Variants in PDE10A observed in about 807,000 individuals in gnomAD.
PDE10A encodes the protein phosphodiesterase 10A, also known as cAMP and cAMP-inhibited cGMP 3',5'-cyclic phosphodiesterase 10A.
PDE10A carries 39 observed loss-of-function variants against 97.7 expected under a neutral mutation model. The observed-to-expected ratio is 0.40, with a 90% CI of 0.31 to 0.52. The LOEUF is 0.52. PDE10A is among the 20% of genes least tolerant of loss of function. PDE10A has a pLI of 0.56. For synonymous variants in PDE10A, 371 were observed against 376.8 expected (o/e 0.98, Z 0.18); for missense variants, 731 against 1,047.8 (o/e 0.70, Z 4.17).
chr6:165,841,394 C>T (rs1780254863), intron 1 of PDE10A, among the ~76,000 whole-genome samples: 1 of 152,212 alleles, frequency 6.6e-6, no homozygotes, highest in Non-Finnish European at 1.5e-5. Flanking sequence ...GGGTTTTTCT[C>T]GCTTGCTGGC....
chr6:165,786,186 G>A (rs1778488142), intron 1 of PDE10A, among the ~76,000 whole-genome samples: 1 of 152,152 alleles, frequency 6.6e-6, no homozygotes, highest in Non-Finnish European at 1.5e-5. Context: ...CACATCTGAT[G>A]GGACTGACAA....
intron 1 of PDE10A, among the ~76,000 whole-genome samples, chr6:165,808,987 C>G (rs1374267495): frequency 3.3e-5 from 5 of 152,222 alleles, no homozygotes; most frequent in Non-Finnish European, 7.3e-5. Context: ...TTTTGCTCCT[C>G]TTGGGCACCA....
At chr6:165,862,752 C>T (rs1168093744) in intron 1 of PDE10A, among the ~76,000 whole-genome samples, 6 of 150,592 alleles carry the variant, frequency 4.0e-5, no homozygotes, top group Non-Finnish European at 7.4e-5. Flanking sequence ...CATCTCAGCT[C>T]GCTGCAACCT....
chr6:165,536,737 C>G (rs1041889460), intron 2 of PDE10A, among the ~76,000 whole-genome samples: 1 of 151,854 alleles, frequency 6.6e-6, no homozygotes, highest in Admixed American at 6.6e-5. Context: ...AAATGCAAAT[C>G]AAAACCACAG....
At chr6:165,512,849 T>C (rs1418527844) in intron 2 of PDE10A, among the ~76,000 whole-genome samples, 2 of 152,038 alleles carry the variant, frequency 1.3e-5, no homozygotes, top group African/African-American at 2.4e-5. Flanking sequence ...ACATCAGTTA[T>C]TGTCTGTTTT....
In PDE10A at chr6:165,655,735, C is replaced by A. The variant is rs1246680358; in HGVS notation, c.865+6212G>T. 1.3e-5 allele frequency among the ~76,000 whole-genome samples: 2 copies of A among 152,134 alleles called. No individual in the cohort carries two copies. Among genetic ancestry groups the A allele is most frequent in the Non-Finnish European group, 2.9e-5 (2 of 68,034 alleles). On this transcript the variant is annotated intron_variant, in intron 1 of 21. Coordinates refer to ENST00000539869, the MANE Select transcript of PDE10A (RefSeq NM_001385079.1). This position sits in a 1 kb window ranked among gnomAD's most constrained non-coding sequence, Gnocchi z 4.5. ...ACCATGGATCACCCACTGCTCAAAA[C>A]CTCCCCAAAGCCTCTGCTTTCATGC...
chr6:165,838,841 G>T (rs1407638193), intron 1 of PDE10A, among the ~76,000 whole-genome samples: 18 of 152,230 alleles, frequency 1.2e-4, no homozygotes, highest in Admixed American at 1.2e-3. Context: ...AGTCTAGACT[G>T]GCAACTGGCA....
chr6:165,848,844 C>T (rs1052898669), intron 1 of PDE10A, among the ~76,000 whole-genome samples: 2 of 152,102 alleles, frequency 1.3e-5, no homozygotes, highest in African/African-American at 4.8e-5. Context: ...GGGGGCCCCA[C>T]GGGATCTGAT....
intron 1 of PDE10A, among the ~76,000 whole-genome samples, chr6:165,881,565 A>ATT (rs3049923): frequency 0.3 from 39,939 of 134,176 alleles, 6,291 homozygotes; most frequent in South Asian, 0.42. Flanking sequence ...TGCCCAGCTA[A>ATT]TTTTTTTTTT....
intron 1 of PDE10A, among the ~76,000 whole-genome samples, chr6:165,770,601 C>A (rs934419622): frequency 6.6e-6 from 1 of 152,298 alleles, no homozygotes; most frequent in African/African-American, 2.4e-5. Context: ...TACTTGCCTT[C>A]CTTCGCATCA....
chr6:165,830,342 A>C (rs1779875464), intron 1 of PDE10A, among the ~76,000 whole-genome samples: 1 of 152,226 alleles, frequency 6.6e-6, no homozygotes, highest in Admixed American at 6.5e-5. Flanking sequence ...ACACTGGAGA[A>C]ACAAGCCAAA....
intron 1 of PDE10A, among the ~76,000 whole-genome samples, chr6:165,907,407 G>A (rs773210848): frequency 5.3e-5 from 8 of 152,228 alleles, no homozygotes; most frequent in Admixed American, 2.6e-4. Flanking sequence ...TGCCCTTCCC[G>A]GGAGCCTCGC....
At chr6:165,521,720 T>G (rs527594094) in intron 2 of PDE10A, among the ~76,000 whole-genome samples, 1 of 152,298 alleles carries the variant, frequency 6.6e-6, no homozygotes, top group South Asian at 2.1e-4. Context: ...AAGAAAAGTC[T>G]GAAGCTAGTA....
chr6:165,851,306 G>A lies in PDE10A; in HGVS notation c.-615+136223C>T, dbSNP rs1050013452. Among the ~76,000 whole-genome samples the A allele has an allele frequency of 3.9e-5, 6 of 152,262 alleles. No homozygotes were observed. In the East Asian group the frequency reaches 5.8e-4, roughly 15 times the overall value. On this transcript the variant is annotated intron_variant, in intron 1 of 19. Coordinates refer to the PDE10A transcript ENST00000366882. ...ATATGTATTGATTTGGAATTGACTC[G>A]ATTCCATCAGTTACCAGCTGTTATT...
chr6:165,565,655 A>G (rs930721742), intron 1 of PDE10A, among the ~76,000 whole-genome samples: 1 of 152,176 alleles, frequency 6.6e-6, no homozygotes, highest in African/African-American at 2.4e-5. Flanking sequence ...AAGTTCGAGG[A>G]CTGACAATAC....
At chr6:165,941,983 C>T (rs1583317109) in intron 1 of PDE10A, among the ~76,000 whole-genome samples, 1 of 152,136 alleles carries the variant, frequency 6.6e-6, no homozygotes, top group African/African-American at 2.4e-5. Flanking sequence ...TAGGGATGCA[C>T]CTGGCTTCAG....
chr6:165,512,703 T>C (rs1299535328), intron 2 of PDE10A, among the ~76,000 whole-genome samples: 1 of 152,058 alleles, frequency 6.6e-6, no homozygotes, highest in African/African-American at 2.4e-5. Context: ...TAGCAGATTC[T>C]CAAGAGGAAA....
At chr6:165,470,991 A>C (rs1033350058) in intron 3 of PDE10A, among the ~76,000 whole-genome samples, 1 of 152,220 alleles carries the variant, frequency 6.6e-6, no homozygotes, top group South Asian at 2.1e-4. Context: ...CTCTCTTTTC[A>C]GGTAAAACTC....
intron 6 of PDE10A, among the ~76,000 whole-genome samples, chr6:165,434,515 G>C (rs570279121): frequency 6.6e-6 from 1 of 152,282 alleles, no homozygotes; most frequent in Non-Finnish European, 1.5e-5. Flanking sequence ...ACTTTGTCTA[G>C]TTTCTCTGTA....
Sources: gnomAD v4.1 joint callset for allele counts (sites outside exome capture counted in the v4.1 genomes callset) on GRCh38, gnomAD v4.1.1 for gene constraint, Gnocchi (gnomAD v3.1) non-coding constraint, MANE v1.5 for transcripts, NCBI Gene and HGNC (gene_info 2026-07-23, HGNC 2026-07-21) for gene names.